DNAH11: variants seen among roughly 807,000 people sequenced by gnomAD.
DNAH11 encodes the protein dynein axonemal heavy chain 11.
DNAH11 carries 442 observed loss-of-function variants against 526.0 expected under a neutral mutation model. That is an observed-to-expected ratio of 0.84 (90% CI 0.78 to 0.91). The LOEUF is 0.91. Ranked by LOEUF, DNAH11 falls within the 40% of genes least tolerant of loss-of-function variation. DNAH11 has a pLI of 0.00. For missense variants in DNAH11, 6,989 were observed against 5,448.7 expected (o/e 1.28, Z -8.90); for synonymous variants, 2,461 against 1,935.9 (o/e 1.27, Z -7.12).
intron 65 of DNAH11, among the ~76,000 whole-genome samples, chr7:21,827,329 T>G (rs189538303): frequency 2.0e-4 from 30 of 152,326 alleles, no homozygotes; most frequent in African/African-American, 6.7e-4. Flanking sequence ...AAAGCAAATT[T>G]ACTGGCTTAC....
In DNAH11 at chr7:21,873,830, G is replaced by T. The variant is rs550282136; in HGVS notation, c.12195+329G>T. 2.2e-4 allele frequency among the ~76,000 whole-genome samples: 23 copies of T among 104,132 alleles called. No individual in the cohort carries two copies. In the East Asian group the frequency reaches 6.6e-3, roughly 30 times the overall value. 68.3% of individuals were successfully genotyped at this position (104,132 alleles called of 152,430 possible). ...TTTTGAGACGGAATCTCACTTTGCC[G>T]CCCAGGCTGGAGTGCAGTGGCATGA... On this transcript the variant is annotated intron_variant, in intron 74 of 81. Transcript: ENST00000409508.
At chr7:21,737,857 G>A (rs1420779443) in intron 46 of DNAH11, among the ~76,000 whole-genome samples, 1 of 152,190 alleles carries the variant, frequency 6.6e-6, no homozygotes, top group Non-Finnish European at 1.5e-5. Context: ...CTGAACGTTG[G>A]ATGGTAATGG....
In DNAH11 at chr7:21,899,975, C is replaced by T. The variant is rs377067911; in HGVS notation, c.13163-5C>T. On this transcript the variant is annotated splice_region_variant and splice_polypyrimidine_tract_variant and intron_variant, in intron 80 of 81. Coordinates refer to ENST00000409508, the MANE Select transcript of DNAH11 (RefSeq NM_001277115.2). ...TCCTATTCAATTTTTGTTATATTTC[C>T]AAAGCAATCATGCAGACGATGGCTC... 6 of 1,613,186 alleles carry T rather than the reference C, an allele frequency of 3.7e-6. No individual in the cohort carries two copies. In the African/African-American group the frequency reaches 5.3e-5, roughly 14 times the overall value.
At position 21,698,078 on chromosome 7, in the gene DNAH11, C is replaced by T. The variant is rs575562365; in HGVS notation, c.6045C>T (p.Pro2015=). Residue 2015 remains proline, a synonymous_variant, in exon 36 of 82, where the codon CCC becomes CCT. Transcript: ENST00000409508. The part of the protein sequence containing the change: ...LPENLKALFR[P]CAMVAPDIEL... ...AAAATTCTTATTTACTTTTTAGACC[C>T]TGTGCCATGGTGGCCCCTGACATTG... is the stretch of plus-strand genomic sequence containing the variant. 3.1e-6 allele frequency: 5 copies of T among 1,610,308 alleles called. No individual in the cohort carries two copies. Among genetic ancestry groups the T allele is most frequent in the Admixed American group, 1.7e-5 (1 of 59,166 alleles).
chr7:21,599,856 G>A lies in DNAH11; in HGVS notation c.2737G>A (p.Asp913Asn), dbSNP rs749413158. 29 of 1,606,188 alleles carry A rather than the reference G, an allele frequency of 1.8e-5. No homozygotes were observed. Among genetic ancestry groups the A allele is most frequent in the South Asian group, 1.1e-4 (10 of 90,148 alleles). ...TWKIYVEFID[D>N]IVVEGFFQAI... ...GAAAATTTATGTAGAATTCATTGAC[G>A]ACATTGTGGTGGAAGGCTTTTTTCA... Residue 913 changes from aspartate (D) to asparagine (N), a missense_variant, in exon 15 of 82, where the codon GAC (aspartate) becomes AAC (asparagine). Asp to Asn is a conservative substitution (Grantham distance 23). Coordinates refer to ENST00000409508, the MANE Select transcript of DNAH11 (RefSeq NM_001277115.2).
At chr7:21,667,143 T>C (rs1782452921) in intron 30 of DNAH11, among the ~76,000 whole-genome samples, 1 of 152,104 alleles carries the variant, frequency 6.6e-6, no homozygotes, top group Admixed American at 6.6e-5. Context: ...GGATTAAATC[T>C]AGAAGAAATG....
intron 25 of DNAH11, among the ~76,000 whole-genome samples, chr7:21,624,743 A>G (rs902163654): frequency 6.6e-6 from 1 of 152,100 alleles, no homozygotes; most frequent in Non-Finnish European, 1.5e-5. Flanking sequence ...TTTTGTTGGA[A>G]GTTTTAATCA....
intron 39 of DNAH11, among the ~76,000 whole-genome samples, 159 bp from the exon 40 acceptor site, chr7:21,707,540 T>A (rs1784315160): frequency 6.6e-6 from 1 of 152,264 alleles, no homozygotes; most frequent in African/African-American, 2.4e-5. Flanking sequence ...AAGATGGTAA[T>A]GGGAATGCAC....
intron 81 of DNAH11, among the ~76,000 whole-genome samples, chr7:21,900,484 T>TACAAG (rs1408083177): frequency 7.2e-5 from 11 of 152,198 alleles, no homozygotes; most frequent in Admixed American, 4.6e-4. Flanking sequence ...AATGTTTTAC[T>TACAAG]ACAAGACTTC....
chr7:21,812,382 A>G (rs978924373), intron 63 of DNAH11, among the ~76,000 whole-genome samples: 2 of 152,166 alleles, frequency 1.3e-5, no homozygotes, highest in Non-Finnish European at 2.9e-5. Context: ...GATTAAGAAA[A>G]TGAACTGTCC....
Position 21,571,944 on chromosome 7 carries a change from A to C in DNAH11, c.1564A>C (p.Thr522Pro). 1 of 1,591,850 alleles carries C rather than the reference A, an allele frequency of 6.3e-7. No individual in the cohort carries two copies. The highest frequency in any genetic ancestry group is 2.3e-5 in the East Asian group (1 of 44,398). Residue 522 changes from threonine (T) to proline (P), a missense_variant, in exon 8 of 82, where the codon ACT becomes CCT. Physicochemically the swap from Thr to Pro is conservative, Grantham distance 38. Coordinates refer to ENST00000409508, the MANE Select transcript of DNAH11 (RefSeq NM_001277115.2). Reference protein sequence around the residue: ...MELCKLFKQSTYDPSDCTNME... With the variant: ...MELCKLFKQSPYDPSDCTNME... Reference sequence around the variant, plus strand: ...ACTCTGTAAACTTTTTAAACAGAGCACTTATGACCCATCTGATTGCACTAA... The same window carrying C: ...ACTCTGTAAACTTTTTAAACAGAGCCCTTATGACCCATCTGATTGCACTAA...
intron 44 of DNAH11, among the ~76,000 whole-genome samples, chr7:21,724,625 G>A (rs1457671450): frequency 6.6e-6 from 1 of 151,606 alleles, no homozygotes; most frequent in Admixed American, 6.6e-5. Flanking sequence ...ACAGAGCCAG[G>A]TCATCGTATG....
At chr7:21,837,645 C>G (rs528950882) in intron 65 of DNAH11, among the ~76,000 whole-genome samples, 1 of 152,050 alleles carries the variant, frequency 6.6e-6, no homozygotes, top group Non-Finnish European at 1.5e-5. Flanking sequence ...AATAGATCAT[C>G]GTTACTTTTT....
chr7:21,653,986 T>C (rs891241821), intron 28 of DNAH11, among the ~76,000 whole-genome samples: 1 of 152,222 alleles, frequency 6.6e-6, no homozygotes, highest in Non-Finnish European at 1.5e-5. Context: ...TAAACTGCAC[T>C]TCCAGAAAAG....
At chr7:21,688,426 C>T (rs1783475396) in intron 34 of DNAH11, among the ~76,000 whole-genome samples, 1 of 152,124 alleles carries the variant, frequency 6.6e-6, no homozygotes, top group South Asian at 2.1e-4. Flanking sequence ...CATCACAGGC[C>T]CCAGTCTTTG....
At chr7:21,555,504 A>T (rs947874027) in intron 2 of DNAH11, among the ~76,000 whole-genome samples, 4 of 152,214 alleles carry the variant, frequency 2.6e-5, no homozygotes, top group Non-Finnish European at 5.9e-5. Context: ...TGCACACCCC[A>T]ATTGCTTTGC....
chr7:21,899,857 G>A (rs1784686891), intron 80 of DNAH11, 123 bp from the exon 81 acceptor site: 4 of 1,218,606 alleles, frequency 3.3e-6, no homozygotes, highest in East Asian at 5.1e-5. Flanking sequence ...GCGCAGCCAT[G>A]TGCCAATGCC....
At chr7:21,563,091 A>G (rs750509387) in intron 5 of DNAH11, among the ~76,000 whole-genome samples, 5 of 152,216 alleles carry the variant, frequency 3.3e-5, no homozygotes, top group Non-Finnish European at 5.9e-5. Context: ...TTTAGGGTAT[A>G]TTAAAAGGAT....
chr7:21,759,054 T>TG (rs1359415190), intron 54 of DNAH11, among the ~76,000 whole-genome samples: 1 of 152,198 alleles, frequency 6.6e-6, no homozygotes, highest in African/African-American at 2.4e-5. Flanking sequence ...TACGTTGTTA[T>TG]GGGGCTAGAG....
Sources: gnomAD v4.1 joint callset for allele counts (sites outside exome capture counted in the v4.1 genomes callset) on GRCh38, gnomAD v4.1.1 for gene constraint, MANE v1.5 for transcripts, NCBI Gene and HGNC (gene_info 2026-07-23, HGNC 2026-07-21) for gene names.